Variants in HS3ST5 observed in about 807,000 individuals in gnomAD.
The protein encoded by HS3ST5 is heparan sulfate-glucosamine 3-sulfotransferase 5.
HS3ST5 carries 10 observed loss-of-function variants against 25.4 expected under a neutral mutation model. That is an observed-to-expected ratio of 0.39 (90% CI 0.24 to 0.67). The LOEUF (loss-of-function observed/expected upper bound fraction) is 0.67, where lower values mean the gene tolerates loss of function less well. HS3ST5 is among the 30% of genes least tolerant of loss of function. HS3ST5 has a pLI of 0.44. For missense variants in HS3ST5, 324 were observed against 420.7 expected (o/e 0.77, Z 2.01); for synonymous variants, 170 against 162.4 (o/e 1.05, Z -0.36).
chr6:114,316,013 G>A (rs1775732343), intron 1 of HS3ST5, among the ~76,000 whole-genome samples: 1 of 152,130 alleles, frequency 6.6e-6, no homozygotes, highest in South Asian at 2.1e-4. Flanking sequence ...TCTTCTGAAG[G>A]TCACCACAAG....
chr6:114,097,876 A>T (rs1775523349), intron 3 of HS3ST5, among the ~76,000 whole-genome samples: 1 of 152,042 alleles, frequency 6.6e-6, no homozygotes, highest in African/African-American at 2.4e-5. Flanking sequence ...AAGGACAAAA[A>T]TGGAGTAGTG....
At position 114,055,972 on chromosome 6, in the gene HS3ST5, G is replaced by A. The variant is rs1449870332; in HGVS notation, c.*1285C>T. The A allele has an allele frequency of 6.6e-6, 1 of 152,190 alleles. No homozygotes were observed. Among genetic ancestry groups the A allele is most frequent in the Non-Finnish European group, 1.5e-5 (1 of 68,030 alleles). The allele number at this position is 152,190 out of a possible 1,614,324, so 9.4% of individuals were successfully genotyped here. A position where few individuals can be genotyped will look rare whatever the true frequency, so the allele number is the denominator to read the frequency against. Reference sequence around the variant, plus strand: ...TTAGTAATGGCAACACTAGGCAGCTGAATCCTTTCAGAGCAAATTGATATA... The same window carrying A: ...TTAGTAATGGCAACACTAGGCAGCTAAATCCTTTCAGAGCAAATTGATATA... On this transcript the variant is annotated 3_prime_UTR_variant, in exon 5 of 5. Transcript: ENST00000312719.
At chr6:114,170,368 A>G (rs1012977614) in intron 2 of HS3ST5, among the ~76,000 whole-genome samples, 5 of 152,144 alleles carry the variant, frequency 3.3e-5, no homozygotes, top group African/African-American at 9.6e-5. Context: ...TTGTAATGTA[A>G]TTTTTTAAAA....
intron 1 of HS3ST5, among the ~76,000 whole-genome samples, chr6:114,278,082 C>T (rs1377875524): frequency 6.6e-6 from 1 of 151,922 alleles, no homozygotes; most frequent in Admixed American, 6.6e-5. Context: ...CACTGCCACT[C>T]ATGACTGACA....
At chr6:114,224,877 T>A (rs1388324410) in intron 2 of HS3ST5, among the ~76,000 whole-genome samples, 2 of 151,712 alleles carry the variant, frequency 1.3e-5, no homozygotes, top group African/African-American at 4.8e-5. Context: ...TGCAATCAGT[T>A]TTTTTGCAGT....
intron 2 of HS3ST5, among the ~76,000 whole-genome samples, chr6:114,201,473 CA>C: frequency 6.6e-6 from 1 of 152,206 alleles, no homozygotes; most frequent in South Asian, 2.1e-4. Flanking sequence ...GAAGGGCAGT[CA>C]AACTGTTCTT....
chr6:114,118,094 C>G (rs1478611704), intron 3 of HS3ST5, among the ~76,000 whole-genome samples: 1 of 152,158 alleles, frequency 6.6e-6, no homozygotes, highest in South Asian at 2.1e-4. Context: ...TTCAAAGAGG[C>G]CTTCTTTGCA....
At chr6:114,107,616 A>G (rs577908557) in intron 3 of HS3ST5, among the ~76,000 whole-genome samples, 1 of 152,320 alleles carries the variant, frequency 6.6e-6, no homozygotes, top group Admixed American at 6.5e-5. Context: ...TTACATAGAA[A>G]GACTGATGGA....
chr6:114,331,183 C>A (rs1251459844), intron 1 of HS3ST5, among the ~76,000 whole-genome samples: 1 of 152,152 alleles, frequency 6.6e-6, no homozygotes, highest in East Asian at 1.9e-4. Context: ...TAAAACTAGG[C>A]CCTTTCTTAG....
Position 114,058,120 on chromosome 6 carries a change from C to T in HS3ST5, c.178G>A (p.Ala60Thr), listed in dbSNP as rs769565557. 27 of 1,613,764 alleles carry T rather than the reference C, an allele frequency of 1.7e-5. No homozygotes were observed. Among genetic ancestry groups the T allele is most frequent in the Middle Eastern group, 1.6e-4 (1 of 6,084 alleles). Residue 60 changes from alanine (A) to threonine (T), a missense_variant, in exon 5 of 5, where the codon GCC becomes ACC. By Grantham distance (58) the Ala-to-Thr change is moderately conservative. This residue lies in a region of HS3ST5 where 121 missense variants were observed against 117.3 expected (regional missense o/e 1.03). Coordinates refer to ENST00000312719, the MANE Select transcript of HS3ST5 (RefSeq NM_153612.4). ...ARTQAEFPLR[A>T]LQFKRGLLHE... is the part of the protein sequence containing the mutation. ...AGCAGGCCACGCTTAAACTGCAGGG[C>T]GCGAAGTGGGAATTCAGCCTGAGTG... is the stretch of plus-strand genomic sequence containing the variant.
intron 1 of HS3ST5, among the ~76,000 whole-genome samples, chr6:114,323,430 C>T (rs1236976100): frequency 6.6e-6 from 1 of 152,004 alleles, no homozygotes; most frequent in Non-Finnish European, 1.5e-5. Flanking sequence ...TACATTTTAT[C>T]CTCAAAAATC....
chr6:114,332,149 C>T (rs965478347), intron 1 of HS3ST5, among the ~76,000 whole-genome samples: 11 of 152,080 alleles, frequency 7.2e-5, no homozygotes, highest in Non-Finnish European at 1.6e-4. Flanking sequence ...CCTAAATCAT[C>T]TCTTAAAAAT....
At chr6:114,177,451 G>C (rs1779777091) in intron 2 of HS3ST5, among the ~76,000 whole-genome samples, 1 of 152,146 alleles carries the variant, frequency 6.6e-6, no homozygotes, top group African/African-American at 2.4e-5. Context: ...CCCTGCTTTT[G>C]CTAATGCAAA....
chr6:114,127,518 A>T (rs991037834), intron 3 of HS3ST5, among the ~76,000 whole-genome samples: 1 of 152,162 alleles, frequency 6.6e-6, no homozygotes, highest in African/African-American at 2.4e-5. Context: ...ACACATATTT[A>T]ACCCAAAACA....
chr6:114,095,667 T>G (rs1333232767), intron 3 of HS3ST5, among the ~76,000 whole-genome samples: 3 of 152,152 alleles, frequency 2.0e-5, no homozygotes, highest in Admixed American at 6.6e-5. Flanking sequence ...CTACCAGCTC[T>G]CATCATTTCC....
intron 1 of HS3ST5, among the ~76,000 whole-genome samples, chr6:114,230,650 G>A (rs939228695): frequency 2.8e-5 from 4 of 144,960 alleles, no homozygotes; most frequent in Non-Finnish European, 4.5e-5. Context: ...GCAATGGCAT[G>A]ATCTCGGCTC....
At chr6:114,097,331 C>T (rs928981211) in intron 3 of HS3ST5, among the ~76,000 whole-genome samples, 1 of 151,782 alleles carries the variant, frequency 6.6e-6, no homozygotes, top group African/African-American at 2.4e-5. Flanking sequence ...AAAAAGGTAA[C>T]TTATTAGGGT....
At chr6:114,143,471 T>C (rs1778005315) in intron 3 of HS3ST5, 1 of 152,216 alleles carries the variant, frequency 6.6e-6, no homozygotes, top group African/African-American at 2.4e-5. Flanking sequence ...GGTGATTAGA[T>C]ATGTAGTATC....
chr6:114,224,273 ATAT>A (rs879596485), intron 2 of HS3ST5, among the ~76,000 whole-genome samples: 2 of 151,600 alleles, frequency 1.3e-5, no homozygotes, highest in African/African-American at 4.8e-5. Context: ...TGTATTTTTT[ATAT>A]TTATTGATGT....
Sources: gnomAD v4.1 joint callset for allele counts (sites outside exome capture counted in the v4.1 genomes callset) on GRCh38, gnomAD v4.1.1 for gene constraint, gnomAD v4.1.1 regional missense constraint, MANE v1.5 for transcripts, NCBI Gene and HGNC (gene_info 2026-07-23, HGNC 2026-07-21) for gene names.